The following AIG1 variants were observed in gnomAD, a reference collection of about 807,000 sequenced individuals.
AIG1 encodes androgen induced 1.
A neutral mutation model predicts 31.4 loss-of-function variants in AIG1; 23 were observed. The observed-to-expected ratio is 0.73, with a 90% confidence interval of 0.53 to 1.04. The LOEUF is 1.04. AIG1 is among the 50% of genes least tolerant of loss of function. The pLI is 0.00. For synonymous variants in AIG1, 100 were observed against 110.5 expected (o/e 0.90, Z 0.60); for missense variants, 274 against 295.0 (o/e 0.93, Z 0.52).
At chr6:143,079,779 CTTT>C (rs78637706) in intron 1 of AIG1, among the ~76,000 whole-genome samples, 8,820 of 106,752 alleles carry the variant, frequency 0.083, 492 homozygotes, top group African/African-American at 0.28. Flanking sequence ...GGATAGATTC[CTTT>C]TTTTTTTTTT....
At position 143,151,684 on chromosome 6, in the gene AIG1, A is replaced by G. The variant is rs562483189; in HGVS notation, c.298-13398A>G. On this transcript the variant is annotated intron_variant, in intron 2 of 5. Coordinates refer to ENST00000357847, the MANE Select transcript of AIG1 (RefSeq NM_016108.4). ...CAGTAAGTGAACTTATGCTAACGAA[A>G]TGATTATAGACTAAAGATTAAATCA... 4.6e-5 allele frequency among the ~76,000 whole-genome samples: 7 copies of G among 152,340 alleles called. No individual in the cohort carries two copies. The East Asian group carries it at 9.6e-4, about 21-fold the overall frequency.
At chr6:143,254,271 T>C (rs1795211919) in intron 3 of AIG1, among the ~76,000 whole-genome samples, 2 of 152,214 alleles carry the variant, frequency 1.3e-5, no homozygotes, top group South Asian at 4.1e-4. Flanking sequence ...TTCTCAGTTG[T>C]ACTGAAGCTT....
At chr6:143,131,846 A>G (rs1783270017) in intron 1 of AIG1, among the ~76,000 whole-genome samples, 1 of 152,168 alleles carries the variant, frequency 6.6e-6, no homozygotes, top group African/African-American at 2.4e-5. Context: ...CTGAGGAGTA[A>G]TATATTGGTG....
chr6:143,168,836 G>A (rs1787221009), intron 3 of AIG1, among the ~76,000 whole-genome samples: 1 of 151,832 alleles, frequency 6.6e-6, no homozygotes, highest in South Asian at 2.1e-4. Context: ...GTATTTTAAT[G>A]TATGTATTTT....
rs1798224610 is a variant in AIG1 at position 143,293,781 on chromosome 6, C to T, written c.515+9556C>T. 6.6e-6 allele frequency among the ~76,000 whole-genome samples: 1 copy of T among 152,142 alleles called. No individual in the cohort carries two copies. Among genetic ancestry groups the T allele is most frequent in the African/African-American group, 2.4e-5 (1 of 41,422 alleles). ...ATGTGGTTATGATCCTTCCCCCACT[C>T]CCCAGCTTCCCTACAGCCATGCCTA... On this transcript the variant is annotated intron_variant, in intron 4 of 5. Coordinates refer to ENST00000357847, the MANE Select transcript of AIG1 (RefSeq NM_016108.4). The surrounding 1 kb of genome is among the most constrained non-coding windows in gnomAD (Gnocchi z 4.8).
chr6:143,129,870 T>C (rs1783052914), intron 1 of AIG1, among the ~76,000 whole-genome samples: 1 of 152,154 alleles, frequency 6.6e-6, no homozygotes, highest in Admixed American at 6.5e-5. Flanking sequence ...TCCTGATTAA[T>C]TGATTTTTTA....
downstream of AIG1, chr6:143,342,949 A>G: frequency 3.1e-6 from 3 of 970,168 alleles, no homozygotes; most frequent in Non-Finnish European, 5.1e-6. Context: ...CTCCTTCAGT[A>G]TAGTGAACAT....
At chr6:143,259,450 G>A (rs1395254180) in intron 3 of AIG1, among the ~76,000 whole-genome samples, 1 of 152,024 alleles carries the variant, frequency 6.6e-6, no homozygotes, top group African/African-American at 2.4e-5. Flanking sequence ...ACTATGCATT[G>A]CGGGCTCATC....
intron 3 of AIG1, among the ~76,000 whole-genome samples, chr6:143,219,444 C>T (rs774896071): frequency 7.3e-4 from 111 of 152,108 alleles, no homozygotes; most frequent in Non-Finnish European, 3.5e-4. Flanking sequence ...CACTCTTGCC[C>T]GGGTGACAGA....
At chr6:143,281,550 T>G (rs905963771) in intron 3 of AIG1, among the ~76,000 whole-genome samples, 5 of 152,224 alleles carry the variant, frequency 3.3e-5, no homozygotes, top group Non-Finnish European at 5.9e-5. Context: ...CTGCTATAGA[T>G]TTTAAGTTAT....
chr6:143,100,283 A>G (rs1404514641), intron 1 of AIG1, among the ~76,000 whole-genome samples: 1 of 152,200 alleles, frequency 6.6e-6, no homozygotes, highest in Admixed American at 6.5e-5. Context: ...GCTCTTGGAA[A>G]ACTGTGTGGC....
At chr6:143,275,486 G>A (rs1796828792) in intron 3 of AIG1, among the ~76,000 whole-genome samples, 1 of 152,106 alleles carries the variant, frequency 6.6e-6, no homozygotes, top group Non-Finnish European at 1.5e-5. Context: ...GCCCTCTAGG[G>A]TTTGGCAGAC....
chr6:143,102,680 G>A (rs565613110), intron 1 of AIG1, among the ~76,000 whole-genome samples: 20 of 151,220 alleles, frequency 1.3e-4, no homozygotes, highest in Admixed American at 1.1e-3. Context: ...AATAATAGTG[G>A]TTGATATTGT....
At chr6:143,213,286 A>T (rs1005464419) in intron 3 of AIG1, among the ~76,000 whole-genome samples, 11 of 152,184 alleles carry the variant, frequency 7.2e-5, no homozygotes, top group African/African-American at 2.4e-4. Flanking sequence ...GATGCTGGAT[A>T]TATAAAGATA....
rs570622163 is a variant in AIG1 at position 143,138,559 on chromosome 6, G to C, written c.297+1569G>C. Among the ~76,000 whole-genome samples, 263 of 152,072 alleles carry C rather than the reference G, an allele frequency of 1.7e-3. 1 individual carries two copies. Among genetic ancestry groups the C allele is most frequent in the Non-Finnish European group, 3.2e-3 (218 of 67,994 alleles). Reference sequence around the variant, plus strand: ...AATTTCTATAGCCATGTCATTGCCTGTGGAAGCCTTCGTTGGCTAGAAGGA... The same window carrying C: ...AATTTCTATAGCCATGTCATTGCCTCTGGAAGCCTTCGTTGGCTAGAAGGA... On this transcript the variant is annotated intron_variant, in intron 2 of 5. Transcript: ENST00000357847.
At chr6:143,103,156 A>C (rs1158030703) in intron 1 of AIG1, among the ~76,000 whole-genome samples, 1 of 152,224 alleles carries the variant, frequency 6.6e-6, no homozygotes, top group Non-Finnish European at 1.5e-5. Context: ...TAGTTTTAGT[A>C]ATACAATGAC....
intron 3 of AIG1, among the ~76,000 whole-genome samples, chr6:143,181,937 C>T (rs1480079802): frequency 6.6e-6 from 1 of 152,116 alleles, no homozygotes; most frequent in African/African-American, 2.4e-5. Context: ...ATGGCAGAGT[C>T]AAATCATACA....
chr6:143,182,017 T>C (rs1427128142), intron 3 of AIG1, among the ~76,000 whole-genome samples: 1 of 151,442 alleles, frequency 6.6e-6, no homozygotes, highest in Non-Finnish European at 1.5e-5. Context: ...CTCTCTCTTT[T>C]TTTTTCTTTT....
At chr6:143,290,860 C>A (rs1189981967) in intron 4 of AIG1, among the ~76,000 whole-genome samples, 1 of 152,084 alleles carries the variant, frequency 6.6e-6, no homozygotes, top group South Asian at 2.1e-4. Flanking sequence ...TTGGGGCTTA[C>A]AAGAGACAGC....
Sources: gnomAD v4.1 joint callset for allele counts (sites outside exome capture counted in the v4.1 genomes callset) on GRCh38, gnomAD v4.1.1 for gene constraint, Gnocchi (gnomAD v3.1) non-coding constraint, MANE v1.5 for transcripts, NCBI Gene and HGNC (gene_info 2026-07-23, HGNC 2026-07-21) for gene names.